Variants in HDAC4 observed in about 807,000 individuals in gnomAD.
HDAC4 encodes the protein histone deacetylase 4.
HDAC4 carries 16 observed loss-of-function variants against 135.1 expected under a neutral mutation model. The observed-to-expected ratio is 0.12, with a 90% CI of 0.08 to 0.18. HDAC4 has a LOEUF of 0.18. Ranked by LOEUF, HDAC4 falls within the 10% of genes least tolerant of loss-of-function variation. The probability of loss-of-function intolerance (pLI) is 1.00; values close to 1 mark genes in which losing one functional copy is unlikely to be tolerated. For synonymous variants in HDAC4, 685 were observed against 653.4 expected (o/e 1.05, Z -0.74); for missense variants, 1,143 against 1,511.8 (o/e 0.76, Z 4.05).
chr2:239,352,786 C>T lies in HDAC4; in HGVS notation c.-87G>A. The stretch of plus-strand genomic sequence containing the variant: ...AGCTCCAACGAGCTCCAAACTCCCA[C>T]CAACACATACAAGTACCGGGACGGT... On this transcript the variant is annotated 5_prime_UTR_variant, in exon 2 of 27. The change creates a new upstream start codon in the 5' untranslated region. Transcript: ENST00000543185. The surrounding 1 kb of genome is among the most constrained non-coding windows in gnomAD (Gnocchi z 4.4). The T allele has an allele frequency of 7.8e-7, 1 of 1,280,700 alleles. No homozygotes were observed. The highest frequency in any genetic ancestry group is 2.5e-5 in the East Asian group (1 of 39,586). 79.3% of individuals were successfully genotyped at this position (1,280,700 alleles called of 1,614,324 possible).
chr2:239,297,971 T>C (rs2052013146), intron 2 of HDAC4, among the ~76,000 whole-genome samples: 1 of 152,130 alleles, frequency 6.6e-6, no homozygotes, highest in South Asian at 2.1e-4. Context: ...GGCTGCTAAG[T>C]GCCTCTGTCC....
intron 2 of HDAC4, among the ~76,000 whole-genome samples, chr2:239,300,698 T>A (rs2052199534): frequency 6.6e-6 from 1 of 152,220 alleles, no homozygotes; most frequent in Non-Finnish European, 1.5e-5. Flanking sequence ...AGCACACCTT[T>A]GTTTCCCGGA....
chr2:239,393,726 C>T (rs892159322), intron 1 of HDAC4, among the ~76,000 whole-genome samples: 1 of 152,062 alleles, frequency 6.6e-6, no homozygotes, highest in Non-Finnish European at 1.5e-5. Flanking sequence ...GTGCACCTGC[C>T]TGTTTAGCTC....
At chr2:239,053,685 T>C (rs2031269083) in intron 25 of HDAC4, 84 bp from the exon 26 acceptor site, 1 of 1,217,450 alleles carries the variant, frequency 8.2e-7, no homozygotes, top group African/African-American at 1.5e-5. Flanking sequence ...TGCGGGACCC[T>C]GAGCCTCAAA....
At chr2:239,316,357 TG>T (rs200938958) in intron 2 of HDAC4, among the ~76,000 whole-genome samples, 2,557 of 152,246 alleles carry the variant, frequency 0.017, 39 homozygotes, top group East Asian at 0.079. Context: ...CCCAGCACTC[TG>T]GGGGGCCAAG....
At chr2:239,131,526 T>G (rs1295709291) in intron 11 of HDAC4, among the ~76,000 whole-genome samples, 2 of 151,896 alleles carry the variant, frequency 1.3e-5, no homozygotes, top group Non-Finnish European at 2.9e-5. Context: ...GATGGAAGCC[T>G]GGGATGAGGG....
At chr2:239,066,387 A>G (rs1315097175) in intron 24 of HDAC4, among the ~76,000 whole-genome samples, 2 of 152,228 alleles carry the variant, frequency 1.3e-5, no homozygotes, top group Non-Finnish European at 2.9e-5. Context: ...GAGAGAAAGA[A>G]AAAGAAAACC....
At chr2:239,396,565 G>A (rs1050071784) in intron 1 of HDAC4, among the ~76,000 whole-genome samples, 4 of 152,094 alleles carry the variant, frequency 2.6e-5, no homozygotes, top group African/African-American at 9.7e-5. Flanking sequence ...ATGTTCATAC[G>A]TTCTGCTCAT....
At position 239,293,674 on chromosome 2, in the gene HDAC4, T is replaced by C. The variant is rs1389334355; in HGVS notation, c.23-57010A>G. 4.6e-5 allele frequency among the ~76,000 whole-genome samples: 7 copies of C among 152,310 alleles called. 1 individual carries two copies. In the East Asian group the frequency reaches 1.4e-3, roughly 29 times the overall value. The stretch of plus-strand genomic sequence containing the variant: ...TCCTGCAGTGGCTACGCACAGGGCA[T>C]CTCTGGGCTCTCTCCAGCTGATGCG... On this transcript the variant is annotated intron_variant, in intron 2 of 26. Coordinates refer to ENST00000543185, the MANE Select transcript of HDAC4 (RefSeq NM_001378414.1).
In HDAC4 at chr2:239,081,129, G is replaced by C. The variant is rs772675887; in HGVS notation, c.2716C>G (p.Pro906Ala). The C allele has an allele frequency of 2.5e-6, 4 of 1,614,038 alleles. No homozygotes were observed. In the South Asian group the frequency reaches 3.3e-5, roughly 13 times the overall value. Reference sequence around the variant, plus strand: ...GCCAAGTACTCAGCGTCTCCCATGGGGGGGTCCAGGCCGCCGGTGAAAGCC... The same window carrying C: ...GCCAAGTACTCAGCGTCTCCCATGGCGGGGTCCAGGCCGCCGGTGAAAGCC... ...NMAFTGGLDPPMGDAEYLAAF... is the reference protein window; with the variant it reads ...NMAFTGGLDPAMGDAEYLAAF... Residue 906 changes from proline (P) to alanine (A), a missense_variant, in exon 22 of 27, where the codon CCC (proline) becomes GCC (alanine). Coordinates refer to ENST00000543185, the MANE Select transcript of HDAC4 (RefSeq NM_001378414.1).
At chr2:239,151,815 C>G (rs1486509431) in intron 7 of HDAC4, among the ~76,000 whole-genome samples, 3 of 152,204 alleles carry the variant, frequency 2.0e-5, no homozygotes, top group African/African-American at 7.2e-5. Flanking sequence ...TGCCACAGCC[C>G]AGGCCAGCAG....
intron 1 of HDAC4, among the ~76,000 whole-genome samples, chr2:239,384,264 C>T (rs1050908975): frequency 7.2e-5 from 11 of 152,080 alleles, no homozygotes; most frequent in African/African-American, 2.7e-4. Flanking sequence ...CCTAAAGCCA[C>T]ATTCGAAATG....
intron 2 of HDAC4, among the ~76,000 whole-genome samples, chr2:239,312,391 G>A (rs1215666820): frequency 2.0e-5 from 3 of 152,300 alleles, no homozygotes; most frequent in South Asian, 4.1e-4. Context: ...GGTGCTGCCA[G>A]CACCACCATC....
intron 5 of HDAC4, among the ~76,000 whole-genome samples, chr2:239,169,145 T>C (rs2043292787): frequency 6.6e-6 from 1 of 152,246 alleles, no homozygotes; most frequent in Non-Finnish European, 1.5e-5. Context: ...AAACTCTTAT[T>C]TGTTGGTTAG....
At chr2:239,393,330 G>A (rs1398415241) in intron 1 of HDAC4, among the ~76,000 whole-genome samples, 1 of 152,218 alleles carries the variant, frequency 6.6e-6, no homozygotes, top group Admixed American at 6.5e-5. Flanking sequence ...CCCAGCTGGA[G>A]CCAGGCACCA....
intron 11 of HDAC4, among the ~76,000 whole-genome samples, chr2:239,129,780 C>T (rs746563994): frequency 3.3e-5 from 5 of 152,178 alleles, no homozygotes; most frequent in Admixed American, 6.5e-5. Context: ...TGACAGTTCC[C>T]GAGTGAGCAT....
chr2:239,290,729 T>TACGCACACACGC (rs1279713664), intron 2 of HDAC4, among the ~76,000 whole-genome samples: 2 of 151,966 alleles, frequency 1.3e-5, no homozygotes, highest in Non-Finnish European at 2.9e-5. Flanking sequence ...CGCACTCACG[T>TACGCACACACGC]ACGCACACAC....
At chr2:239,147,563 A>C (rs537255200) in intron 7 of HDAC4, among the ~76,000 whole-genome samples, 1 of 152,354 alleles carries the variant, frequency 6.6e-6, no homozygotes, top group South Asian at 2.1e-4. Context: ...CACTCATTCC[A>C]GGCACGATGT....
intron 3 of HDAC4, among the ~76,000 whole-genome samples, chr2:239,218,357 A>G (rs901042552): frequency 2.0e-5 from 3 of 151,846 alleles, no homozygotes; most frequent in Admixed American, 1.3e-4. Context: ...GAGAAAAACA[A>G]GCAATGGGGA....
Sources: allele counts gnomAD v4.1 joint callset (sites outside exome capture counted in the v4.1 genomes callset), GRCh38; gene constraint gnomAD v4.1.1; non-coding constraint Gnocchi (gnomAD v3.1); transcripts MANE v1.5; gene names NCBI Gene and HGNC (gene_info 2026-07-23, HGNC 2026-07-21).